COA5: variants seen among roughly 807,000 people sequenced by gnomAD.
COA5 encodes cytochrome c oxidase assembly factor 5.
A neutral mutation model predicts 11.8 loss-of-function variants in COA5; 11 were observed. The ratio of observed to expected loss-of-function variants is 0.93; its 90% CI spans 0.59 to 1.54. The LOEUF (loss-of-function observed/expected upper bound fraction) is 1.54. Among genes scored for constraint, COA5 ranks in the 40% most tolerant of loss-of-function variants. The pLI, the probability that COA5 is intolerant of heterozygous loss-of-function variation, is 0.00. For synonymous variants in COA5, 38 were observed against 37.5 expected (o/e 1.01, Z -0.05); for missense variants, 87 against 89.2 (o/e 0.97, Z 0.10).
intron 1 of COA5, among the ~76,000 whole-genome samples, chr2:98,607,400 C>G (rs1037731063): frequency 1.3e-5 from 2 of 152,216 alleles, no homozygotes; most frequent in African/African-American, 4.8e-5. Context: ...TTTATAATAA[C>G]TCAAGTTTTA....
chr2:98,608,210 A>G, intron 1 of COA5, 97 bp downstream of exon 1: 1 of 883,384 alleles, frequency 1.1e-6, no homozygotes, highest in Non-Finnish European at 1.8e-6. Flanking sequence ...CGGGATGGTT[A>G]ACTCCAACCG....
Position 98,608,340 on chromosome 2 carries a change from G to A in COA5, c.66C>T (p.Gly22=), listed in dbSNP as rs911477615. Residue 22 remains glycine, a synonymous_variant, in exon 1 of 3, where the codon GGC becomes GGT. Coordinates refer to ENST00000328709, the MANE Select transcript of COA5 (RefSeq NM_001008215.3). ...CACAGTCCGACTGCAGCAGACACGC[G>A]CCCAGGTCCTCCTTCAGGCCCGCGC... is the stretch of plus-strand genomic sequence containing the variant. The part of the protein sequence containing the change: ...GACAGLKEDL[G]ACLLQSDCVV... 1.9e-6 allele frequency: 3 copies of A among 1,609,110 alleles called. No homozygotes were observed. The highest frequency in any genetic ancestry group is 2.5e-6 in the Non-Finnish European group (3 of 1,178,588).
intron 2 of COA5, among the ~76,000 whole-genome samples, chr2:98,601,335 ATACTC>A (rs1258792293): frequency 6.6e-6 from 1 of 152,208 alleles, no homozygotes; most frequent in African/African-American, 2.4e-5. Flanking sequence ...TATTTGGACT[ATACTC>A]AATATACATT....
At chr2:98,606,304 T>C (rs529762096) in intron 1 of COA5, among the ~76,000 whole-genome samples, 1 of 152,204 alleles carries the variant, frequency 6.6e-6, no homozygotes, top group African/African-American at 2.4e-5. Flanking sequence ...TGTAGGAGAT[T>C]GTTCTGGACC....
rs760690501 is a variant in COA5 at position 98,602,648 on chromosome 2, CAA to C, written c.183+1458_183+1459del. On this transcript the variant is annotated intron_variant, in intron 2 of 2. Coordinates refer to ENST00000328709, the MANE Select transcript of COA5 (RefSeq NM_001008215.3). ...CGGGCAACAGAGCGAGACTCCATCT[CAA>C]AAAAAAAAAAAAAAAGGGTCCCTAA... 57 of 71,566 alleles carry C rather than the reference CAA, an allele frequency of 8.0e-4. No individual in the cohort carries two copies. In the Middle Eastern group the frequency reaches 0.013, roughly 17 times the overall value. The allele number at this position is 71,566 out of a possible 1,614,324, so 4.4% of individuals were successfully genotyped here.
In COA5 at chr2:98,604,114, T is replaced by C. The variant is rs2106593275; in HGVS notation, c.177A>G (p.Arg59=). The change falls in exon 2 of 3, where the codon AGA becomes AGG. Residue 59 remains arginine (R), a synonymous_variant. Transcript: ENST00000328709. ...SLKYAFFECK[R]SVLDNRARFR... is the part of the protein sequence containing the mutation. ...AAAATCTTTAACCACTTACCACTGA[T>C]CTTTTACACTCAAAAAATGCGTACT... The C allele has an allele frequency of 6.2e-7, 1 of 1,612,990 alleles. No homozygotes were observed. The highest frequency in any genetic ancestry group is 8.5e-7 in the Non-Finnish European group (1 of 1,179,008).
chr2:98,606,734 T>C (rs1282516935), intron 1 of COA5, among the ~76,000 whole-genome samples: 1 of 152,220 alleles, frequency 6.6e-6, no homozygotes, highest in Non-Finnish European at 1.5e-5. Flanking sequence ...CTTTCTTCCC[T>C]TGACTACTCA....
In COA5 at chr2:98,600,568, A is replaced by T. The variant is rs1299236099; in HGVS notation, c.*184T>A. ...TTTTCTTCTAAAAATAACTTGGATC[A>T]AGAGAATCATTTACTTTATACATAT... On this transcript the variant is annotated 3_prime_UTR_variant, in exon 3 of 3. Coordinates refer to ENST00000328709, the MANE Select transcript of COA5 (RefSeq NM_001008215.3). 1 of 614,186 alleles carries T rather than the reference A, an allele frequency of 1.6e-6. No individual in the cohort carries two copies. Among genetic ancestry groups the T allele is most frequent in the African/African-American group, 1.8e-5 (1 of 54,072 alleles). The allele number at this position is 614,186 out of a possible 1,614,324, so 38.0% of individuals were successfully genotyped here.
At chr2:98,605,296 T>G (rs993420448) in intron 1 of COA5, among the ~76,000 whole-genome samples, 3 of 152,194 alleles carry the variant, frequency 2.0e-5, no homozygotes, top group African/African-American at 7.2e-5. Flanking sequence ...GGGAAACAGG[T>G]GTAGAACTTC....
intron 2 of COA5, 63 bp downstream of exon 2, chr2:98,604,045 A>T: frequency 8.3e-7 from 1 of 1,198,288 alleles, no homozygotes; most frequent in South Asian, 1.2e-5. Context: ...TAAGTCATTC[A>T]TATATTTAAC....
intron 1 of COA5, chr2:98,604,485 T>A (rs912277746): frequency 3.8e-5 from 13 of 342,394 alleles, no homozygotes; most frequent in Admixed American, 2.7e-4. Context: ...TATCTTCATT[T>A]CCTTATGGGT....
chr2:98,607,307 A>T (rs150276521), intron 1 of COA5, among the ~76,000 whole-genome samples: 99 of 152,346 alleles, frequency 6.5e-4, no homozygotes, highest in African/African-American at 2.2e-3. Flanking sequence ...GAAGGGACAC[A>T]GCCCTGGACA....
intron 2 of COA5, 35 bp downstream of exon 2, chr2:98,604,073 T>C: frequency 2.0e-6 from 3 of 1,530,428 alleles, no homozygotes; most frequent in Non-Finnish European, 2.7e-6. Context: ...TAGCTAATTT[T>C]TAGCATAGGC....
chr2:98,608,092 G>A (rs1364893255), intron 1 of COA5, among the ~76,000 whole-genome samples: 4 of 152,242 alleles, frequency 2.6e-5, no homozygotes, highest in Non-Finnish European at 4.4e-5. Flanking sequence ...ACAAAAACCC[G>A]ACAGGGTGCG....
At chr2:98,602,844 T>C (rs534274666) in intron 2 of COA5, among the ~76,000 whole-genome samples, 1 of 152,308 alleles carries the variant, frequency 6.6e-6, no homozygotes, top group South Asian at 2.1e-4. Flanking sequence ...GATCGAAGAC[T>C]GAGCTTTAGG....
At chr2:98,603,069 C>T (rs1300982022) in intron 2 of COA5, among the ~76,000 whole-genome samples, 3 of 152,202 alleles carry the variant, frequency 2.0e-5, no homozygotes, top group Non-Finnish European at 4.4e-5. Context: ...GATTAGCTGG[C>T]AAACATGCTC....
chr2:98,604,567 T>G, intron 1 of COA5: 1 of 239,816 alleles, frequency 4.2e-6, no homozygotes, highest in South Asian at 5.1e-5. Flanking sequence ...ACAAAGATAT[T>G]AACAAGGCAG....
At position 98,608,463 on chromosome 2, in the gene COA5, G is replaced by C. The variant is rs1003898891; in HGVS notation, c.-58C>G. 1.5e-6 allele frequency: 2 copies of C among 1,349,430 alleles called. No individual in the cohort carries two copies. Among genetic ancestry groups the C allele is most frequent in the South Asian group, 2.5e-5 (2 of 80,916 alleles). 83.6% of individuals were successfully genotyped at this position (1,349,430 alleles called of 1,614,324 possible). ...TTCTCCCACCGCAACACTTGCAACCGGGTCGGGAGCGAGCGAGGCCCCAGT... is the reference window on the plus strand; with the variant it reads ...TTCTCCCACCGCAACACTTGCAACCCGGTCGGGAGCGAGCGAGGCCCCAGT... On this transcript the variant is annotated 5_prime_UTR_variant, in exon 1 of 3. Transcript: ENST00000328709.
At chr2:98,603,987 CTA>C (rs1480775563) in intron 2 of COA5, 119 bp downstream of exon 2, 9 of 704,872 alleles carry the variant, frequency 1.3e-5, no homozygotes, top group Non-Finnish European at 1.7e-5. Flanking sequence ...GAAATATTAT[CTA>C]TGTAATTTTT....
Sources: gnomAD v4.1 joint callset for allele counts (sites outside exome capture counted in the v4.1 genomes callset) on GRCh38, gnomAD v4.1.1 for gene constraint, MANE v1.5 for transcripts, NCBI Gene and HGNC (gene_info 2026-07-23, HGNC 2026-07-21) for gene names.